The following KCNIP1 variants were observed in gnomAD, a reference collection of about 807,000 sequenced individuals.
KCNIP1 encodes A-type potassium channel modulatory protein KCNIP1.
Under a neutral mutation model 33.0 loss-of-function variants are expected in KCNIP1, and 18 were observed. That is an observed-to-expected ratio of 0.55 (90% CI 0.38 to 0.81). The LOEUF (loss-of-function observed/expected upper bound fraction) is 0.81, where lower values mean the gene tolerates loss of function less well. KCNIP1 is among the 30% of genes least tolerant of loss of function. The pLI is 0.00. For missense variants in KCNIP1, 238 were observed against 271.6 expected (o/e 0.88, Z 0.87); for synonymous variants, 93 against 98.3 (o/e 0.95, Z 0.32).
chr5:170,504,252 C>T lies in KCNIP1; in HGVS notation c.-321C>T, dbSNP rs1354845789. On this transcript the variant is annotated 5_prime_UTR_variant, in exon 1 of 8. Transcript: ENST00000328939. This position sits in a 1 kb window ranked among gnomAD's most constrained non-coding sequence, Gnocchi z 6.0. ...CTCGGCCGGGCGGCCGCTCTGGCCCCGTGTCCAGTGCCAGGCAGGCTTCAG... is the reference window on the plus strand; with the variant it reads ...CTCGGCCGGGCGGCCGCTCTGGCCCTGTGTCCAGTGCCAGGCAGGCTTCAG... 2.8e-5 allele frequency: 31 copies of T among 1,123,236 alleles called. No individual in the cohort carries two copies. Among genetic ancestry groups the T allele is most frequent in the African/African-American group, 3.3e-5 (2 of 61,372 alleles). 69.6% of individuals were successfully genotyped at this position (1,123,236 alleles called of 1,614,324 possible).
chr5:170,359,448 A>G (rs745930072), intron 1 of KCNIP1, among the ~76,000 whole-genome samples: 3 of 152,218 alleles, frequency 2.0e-5, no homozygotes, highest in East Asian at 1.9e-4. Flanking sequence ...CTAAGCTTCA[A>G]TGCTGCCCCT....
intron 1 of KCNIP1, among the ~76,000 whole-genome samples, chr5:170,513,144 C>T (rs553450115): frequency 1.3e-5 from 2 of 151,966 alleles, no homozygotes; most frequent in South Asian, 4.2e-4. Context: ...CCACTGGAGT[C>T]TGAGGAATAC....
At chr5:170,585,691 T>G (rs1233772202) in intron 1 of KCNIP1, among the ~76,000 whole-genome samples, 2 of 152,136 alleles carry the variant, frequency 1.3e-5, no homozygotes, top group Non-Finnish European at 2.9e-5. Context: ...GATAATGGCA[T>G]CGTGAATAGA....
At chr5:170,626,185 C>T (rs1759814476) in intron 1 of KCNIP1, among the ~76,000 whole-genome samples, 1 of 152,170 alleles carries the variant, frequency 6.6e-6, no homozygotes, top group African/African-American at 2.4e-5. Context: ...CAGGCCTGTG[C>T]CACGCATGCT....
At chr5:170,712,813 G>T (rs772477718) in intron 1 of KCNIP1, 3 of 1,605,972 alleles carry the variant, frequency 1.9e-6, no homozygotes, top group Non-Finnish European at 2.6e-6. Context: ...TTTGCTTTTC[G>T]ATGAATCGAT....
intron 1 of KCNIP1, among the ~76,000 whole-genome samples, chr5:170,697,846 A>T (rs905818): frequency 6.6e-6 from 1 of 151,880 alleles, no homozygotes; most frequent in Non-Finnish European, 1.5e-5. Flanking sequence ...ACCTTCCCCA[A>T]TGGCCTTGGG....
chr5:170,562,457 A>G (rs1199575605), intron 1 of KCNIP1, among the ~76,000 whole-genome samples: 1 of 152,202 alleles, frequency 6.6e-6, no homozygotes, highest in Non-Finnish European at 1.5e-5. Flanking sequence ...GAGTTGGGGA[A>G]AGTGCTTGAT....
chr5:170,427,568 C>T (rs1183160776), intron 1 of KCNIP1, among the ~76,000 whole-genome samples: 1 of 152,158 alleles, frequency 6.6e-6, no homozygotes, highest in African/African-American at 2.4e-5. Context: ...TCATCCCCAG[C>T]TGAGAACCAC....
chr5:170,667,380 C>T (rs1761746552), intron 1 of KCNIP1, among the ~76,000 whole-genome samples: 1 of 151,984 alleles, frequency 6.6e-6, no homozygotes, highest in Admixed American at 6.6e-5. Flanking sequence ...TGAAGAAACA[C>T]ATATCTAATG....
intron 1 of KCNIP1, among the ~76,000 whole-genome samples, chr5:170,556,970 TGA>T (rs1313281388): frequency 2.0e-5 from 3 of 152,340 alleles, no homozygotes; most frequent in Admixed American, 2.0e-4. Context: ...CAGACAGGCC[TGA>T]GTTTATATCC....
At chr5:170,368,859 T>G (rs904136381) in intron 1 of KCNIP1, among the ~76,000 whole-genome samples, 9 of 152,176 alleles carry the variant, frequency 5.9e-5, no homozygotes, top group Admixed American at 1.3e-4. Flanking sequence ...CGCATTCTCC[T>G]CCAGCCAAAC....
At chr5:170,545,164 G>A (rs1177774778) in intron 1 of KCNIP1, among the ~76,000 whole-genome samples, 1 of 152,166 alleles carries the variant, frequency 6.6e-6, no homozygotes, top group African/African-American at 2.4e-5. Flanking sequence ...TAACACAAGA[G>A]TGGCAGTGTT....
chr5:170,433,341 C>T (rs1755786830), intron 1 of KCNIP1, among the ~76,000 whole-genome samples: 1 of 152,082 alleles, frequency 6.6e-6, no homozygotes, highest in Non-Finnish European at 1.5e-5. Context: ...CGCCCAACAT[C>T]ACACCTGGCT....
At chr5:170,411,103 C>T (rs372089091) in intron 1 of KCNIP1, among the ~76,000 whole-genome samples, 14 of 152,206 alleles carry the variant, frequency 9.2e-5, no homozygotes, top group African/African-American at 3.4e-4. Flanking sequence ...TCTATGTTGC[C>T]CTCAAGGAGC....
Position 170,494,431 on chromosome 5 carries a change from T to C in KCNIP1, c.88+140467T>C, listed in dbSNP as rs559948921. Among the ~76,000 whole-genome samples, 26 of 152,240 alleles carry C rather than the reference T, an allele frequency of 1.7e-4. No homozygotes were observed. In the East Asian group the frequency reaches 5.0e-3, roughly 29 times the overall value. ...GTTGTGGCAGCCTGGAAAGGGATCT[T>C]CCATGTAGAGTGAGGGAAGAAGAGA... is the stretch of plus-strand genomic sequence containing the variant. On this transcript the variant is annotated intron_variant, in intron 1 of 7. Coordinates refer to the KCNIP1 transcript ENST00000377360.
At chr5:170,614,413 G>A (rs1185086547) in intron 1 of KCNIP1, among the ~76,000 whole-genome samples, 4 of 152,198 alleles carry the variant, frequency 2.6e-5, no homozygotes, top group Non-Finnish European at 5.9e-5. Context: ...TCTTCTAAGT[G>A]TTGGCAGCTT....
intron 1 of KCNIP1, among the ~76,000 whole-genome samples, chr5:170,390,517 A>AAAAAAAATATATATATAT: frequency 6.7e-5 from 5 of 74,546 alleles, no homozygotes; most frequent in Non-Finnish European, 9.9e-5. Flanking sequence ...AAAAAAAACA[A>AAAAAAAATATATATATAT]ATATATATAT....
intron 1 of KCNIP1, among the ~76,000 whole-genome samples, chr5:170,632,719 T>C (rs180797775): frequency 1.3e-5 from 2 of 152,234 alleles, no homozygotes; most frequent in African/African-American, 4.8e-5. Flanking sequence ...GGACATTTAA[T>C]AAGTGGAAGA....
chr5:170,441,192 G>C (rs1755979447), intron 1 of KCNIP1, among the ~76,000 whole-genome samples: 1 of 152,218 alleles, frequency 6.6e-6, no homozygotes, highest in African/African-American at 2.4e-5. Flanking sequence ...CCTCTGCCCT[G>C]GCAGGGATGG....
Sources: gnomAD v4.1 joint callset for allele counts (sites outside exome capture counted in the v4.1 genomes callset) on GRCh38, gnomAD v4.1.1 for gene constraint, Gnocchi (gnomAD v3.1) non-coding constraint, MANE v1.5 for transcripts, NCBI Gene and HGNC (gene_info 2026-07-23, HGNC 2026-07-21) for gene names.